The following PHACTR3 variants were observed in gnomAD, a reference collection of about 807,000 sequenced individuals.
The protein encoded by PHACTR3 is protein phosphatase 1, regulatory subunit 123.
PHACTR3 carries 16 observed loss-of-function variants against 66.8 expected under a neutral mutation model. That is an observed-to-expected ratio of 0.24 (90% confidence interval 0.16 to 0.36). The LOEUF (loss-of-function observed/expected upper bound fraction) is 0.36, where lower values mean the gene tolerates loss of function less well. PHACTR3 is among the 10% of genes least tolerant of loss of function. The probability of loss-of-function intolerance (pLI) is 1.00; values close to 1 mark genes in which losing one functional copy is unlikely to be tolerated. For missense variants in PHACTR3, 647 were observed against 719.9 expected (o/e 0.90, Z 1.16); for synonymous variants, 323 against 292.1 (o/e 1.11, Z -1.08).
At position 59,767,224 on chromosome 20, in the gene PHACTR3, G is replaced by T; in HGVS notation, c.580G>T (p.Ala194Ser). The change falls in exon 5 of 13, where the codon GCT becomes TCT. Residue 194 changes from alanine (A) to serine (S), a missense_variant. Coordinates refer to ENST00000371015, the MANE Select transcript of PHACTR3 (RefSeq NM_080672.5). The part of the protein sequence containing the change: ...PSASSGEEAD[A>S]GSLLPTTNEL... ...TGCATCCAGTGGTGAAGAAGCAGAC[G>T]CTGGCAGCCTCCTGCCCACCACCAA... The T allele has an allele frequency of 6.2e-7, 1 of 1,614,226 alleles. No homozygotes were observed. Among genetic ancestry groups the T allele is most frequent in the East Asian group, 2.2e-5 (1 of 44,888 alleles).
chr20:59,637,237 C>G (rs1354575909), intron 1 of PHACTR3, among the ~76,000 whole-genome samples: 2 of 152,208 alleles, frequency 1.3e-5, no homozygotes, highest in Admixed American at 6.5e-5. Flanking sequence ...GGAGCTGGAG[C>G]CTCTGAGTCC....
At chr20:59,644,147 A>G (rs914625494) in intron 1 of PHACTR3, among the ~76,000 whole-genome samples, 1 of 152,186 alleles carries the variant, frequency 6.6e-6, no homozygotes, top group African/African-American at 2.4e-5. Context: ...CTCCATTATG[A>G]AGTCAAAGGC....
intron 1 of PHACTR3, among the ~76,000 whole-genome samples, chr20:59,715,538 A>C (rs1409951259): frequency 6.6e-6 from 1 of 152,202 alleles, no homozygotes; most frequent in East Asian, 1.9e-4. Flanking sequence ...TGTTTTCTTT[A>C]GGATTTCTGT....
intron 7 of PHACTR3, among the ~76,000 whole-genome samples, chr20:59,781,456 C>A (rs2040723587): frequency 6.6e-6 from 1 of 152,160 alleles, no homozygotes; most frequent in African/African-American, 2.4e-5. Flanking sequence ...GCCCTGGCTG[C>A]CTTTCGGTAG....
At chr20:59,647,239 C>T (rs2035309658) in intron 1 of PHACTR3, among the ~76,000 whole-genome samples, 2 of 152,198 alleles carry the variant, frequency 1.3e-5, no homozygotes, top group Admixed American at 1.3e-4. Context: ...TGCAGGGAAA[C>T]TCCCATTTAT....
At chr20:59,635,169 CCTTT>C (rs11471795) in intron 1 of PHACTR3, among the ~76,000 whole-genome samples, 2,304 of 55,346 alleles carry the variant, frequency 0.042, 209 homozygotes, top group Middle Eastern at 0.1. Context: ...TTCTTTCTTT[CCTTT>C]CTTTCTTTCT....
At chr20:59,682,434 T>G (rs2036696551) in intron 1 of PHACTR3, among the ~76,000 whole-genome samples, 1 of 152,216 alleles carries the variant, frequency 6.6e-6, no homozygotes, top group African/African-American at 2.4e-5. Flanking sequence ...GTGCAAACTG[T>G]TCCAGTCACT....
chr20:59,751,126 G>A (rs752676660), intron 3 of PHACTR3, among the ~76,000 whole-genome samples: 22 of 152,230 alleles, frequency 1.4e-4, no homozygotes, highest in East Asian at 5.8e-4. Context: ...CAGTGCCGCC[G>A]CCTCTGCTGT....
intron 1 of PHACTR3, among the ~76,000 whole-genome samples, chr20:59,722,151 G>C (rs894904675): frequency 3.9e-5 from 6 of 152,126 alleles, no homozygotes; most frequent in Non-Finnish European, 5.9e-5. Context: ...AGAATGGTGT[G>C]AACCTGGGAG....
chr20:59,717,190 G>A (rs2038124266), intron 1 of PHACTR3, among the ~76,000 whole-genome samples: 1 of 152,040 alleles, frequency 6.6e-6, no homozygotes, highest in South Asian at 2.1e-4. Flanking sequence ...AATTGAAAGG[G>A]CCCTTGAGTG....
intron 1 of PHACTR3, among the ~76,000 whole-genome samples, chr20:59,586,327 G>A (rs943526462): frequency 1.3e-5 from 2 of 152,176 alleles, no homozygotes; most frequent in African/African-American, 4.8e-5. Context: ...ACGAGTGTCC[G>A]AAACAGCTGT....
At chr20:59,771,599 A>G (rs1306325973) in intron 5 of PHACTR3, among the ~76,000 whole-genome samples, 1 of 98,790 alleles carries the variant, frequency 1.0e-5, no homozygotes, top group Non-Finnish European at 2.1e-5. Context: ...TCCCTCCACC[A>G]CTCTCTCTCC....
intron 8 of PHACTR3, among the ~76,000 whole-genome samples, chr20:59,827,006 C>T (rs2042213014): frequency 6.6e-6 from 1 of 152,096 alleles, no homozygotes; most frequent in Non-Finnish European, 1.5e-5. Context: ...TCCTTCCCTC[C>T]CTCCTTCCCT....
At chr20:59,635,429 T>G (rs2034864618) in intron 1 of PHACTR3, among the ~76,000 whole-genome samples, 1 of 151,600 alleles carries the variant, frequency 6.6e-6, no homozygotes, top group Non-Finnish European at 1.5e-5. Flanking sequence ...AGACGGGGTT[T>G]CACCATGTTA....
chr20:59,674,859 T>TC (rs2036383785), intron 1 of PHACTR3, among the ~76,000 whole-genome samples: 1 of 61,774 alleles, frequency 1.6e-5, no homozygotes, highest in South Asian at 7.2e-4. Context: ...CTTCTCCTGT[T>TC]GCCCCTTCTC....
intron 9 of PHACTR3, 55 bp from the exon 10 acceptor site, chr20:59,840,314 C>T (rs1323676813): frequency 6.4e-5 from 102 of 1,584,668 alleles, no homozygotes; most frequent in Non-Finnish European, 8.0e-5. Flanking sequence ...AAGAGAAGAA[C>T]GTTTCAACCT....
chr20:59,762,615 T>C (rs1568792944), intron 4 of PHACTR3, among the ~76,000 whole-genome samples: 1 of 152,196 alleles, frequency 6.6e-6, no homozygotes, highest in Non-Finnish European at 1.5e-5. Flanking sequence ...GTAGTTTGGA[T>C]TGGCTAGCCT....
intron 1 of PHACTR3, among the ~76,000 whole-genome samples, chr20:59,687,153 G>A (rs886234299): frequency 6.0e-5 from 9 of 150,868 alleles, no homozygotes; most frequent in East Asian, 1.9e-4. Context: ...TGATGATGAC[G>A]ATGGTGATTG....
chr20:59,644,427 G>A (rs958961294), intron 1 of PHACTR3, among the ~76,000 whole-genome samples: 10 of 152,154 alleles, frequency 6.6e-5, no homozygotes, highest in Non-Finnish European at 8.8e-5. Context: ...CACTATCTTC[G>A]GGTTCCCTGG....
Sources: gnomAD v4.1 joint callset for allele counts (sites outside exome capture counted in the v4.1 genomes callset) on GRCh38, gnomAD v4.1.1 for gene constraint, MANE v1.5 for transcripts, NCBI Gene and HGNC (gene_info 2026-07-23, HGNC 2026-07-21) for gene names.